Variants in TNFRSF10B observed in about 807,000 individuals in gnomAD.
TNFRSF10B encodes tumor necrosis factor receptor superfamily member 10B.
Under a neutral mutation model 41.4 loss-of-function variants are expected in TNFRSF10B, and 35 were observed. The ratio of observed to expected loss-of-function variants is 0.85; its 90% CI spans 0.65 to 1.12. The LOEUF is 1.12. TNFRSF10B is among the 50% of genes most tolerant of loss of function. TNFRSF10B has a pLI of 0.00. For synonymous variants in TNFRSF10B, 230 were observed against 215.5 expected, an observed-to-expected ratio of 1.07 and a Z score of -0.59; for missense variants, 584 against 552.7, an observed-to-expected ratio of 1.06 and a Z score of -0.57.
chr8:23,022,265 C>G lies in TNFRSF10B; in HGVS notation c.*406G>C, dbSNP rs532125576. 95 of 454,276 alleles carry G rather than the reference C, an allele frequency of 2.1e-4. No individual in the cohort carries two copies. Among genetic ancestry groups the G allele is most frequent in the Middle Eastern group, 2.1e-3 (3 of 1,444 alleles). The allele number at this position is 454,276 out of a possible 1,614,324, so 28.1% of individuals were successfully genotyped here. A position where few individuals can be genotyped will look rare whatever the true frequency, so the allele number is the denominator to read the frequency against. Reference sequence around the variant, plus strand: ...ACAGAGTGAACTGCCCCGCACCCCCCACCCAAAAAAGGTTCATATCATATA... The same window carrying G: ...ACAGAGTGAACTGCCCCGCACCCCCGACCCAAAAAAGGTTCATATCATATA... On this transcript the variant is annotated 3_prime_UTR_variant, in exon 9 of 9. Coordinates refer to ENST00000276431, the MANE Select transcript of TNFRSF10B (RefSeq NM_003842.5).
At position 23,028,337 on chromosome 8, in the gene TNFRSF10B, A is replaced by C; in HGVS notation, c.742T>G (p.Cys248Gly). 1 of 1,614,130 alleles carries C rather than the reference A, an allele frequency of 6.2e-7. No individual in the cohort carries two copies. The highest frequency in any genetic ancestry group is 8.5e-7 in the Non-Finnish European group (1 of 1,180,002). ...KKVLPYLKGI[C>G]SGGGGDPERV... The stretch of plus-strand genomic sequence containing the variant: ...GCCCTCAGCCAGCACCTACCTGAGC[A>C]GATGCCTTTCAGGTAAGGAAGGACT... Residue 248 changes from cysteine to glycine, a missense_variant, in exon 5 of 9, where the codon TGC becomes GGC. Physicochemically the swap from Cys to Gly is radical, Grantham distance 159 (BLOSUM62 -3). Coordinates refer to ENST00000276431, the MANE Select transcript of TNFRSF10B (RefSeq NM_003842.5).
chr8:23,062,478 A>G (rs1163613442), intron 1 of TNFRSF10B, among the ~76,000 whole-genome samples: 17 of 152,256 alleles, frequency 1.1e-4, no homozygotes, highest in Admixed American at 1.1e-3. Flanking sequence ...TTGGCCTCGC[A>G]AAGTGCTGGG....
Position 23,027,189 on chromosome 8 carries a change from G to A in TNFRSF10B, c.880C>T (p.Pro294Ser). ...ATGTTGACACCTGTTGGCTCTGCTG[G>A]CTCCTGGACTTCCATTTCCTGCTCA... is the stretch of plus-strand genomic sequence containing the variant. ...VPEQEMEVQE[P>S]AEPTGVNMLS... is the part of the protein sequence containing the mutation. The change falls in exon 7 of 9, where the codon CCA becomes TCA. Residue 294 changes from proline (P) to serine (S), a missense_variant. By Grantham distance (74) the Pro-to-Ser change is moderately conservative (BLOSUM62 -1). Coordinates refer to ENST00000276431, the MANE Select transcript of TNFRSF10B (RefSeq NM_003842.5). 1 of 1,614,196 alleles carries A rather than the reference G, an allele frequency of 6.2e-7. No individual in the cohort carries two copies. Among genetic ancestry groups the A allele is most frequent in the East Asian group, 2.2e-5 (1 of 44,878 alleles).
At chr8:23,059,664 G>A (rs979243255) in intron 1 of TNFRSF10B, among the ~76,000 whole-genome samples, 4 of 145,152 alleles carry the variant, frequency 2.8e-5, no homozygotes, top group South Asian at 4.6e-4. Context: ...CTGCCACCAC[G>A]CCGGGCTAAT....
chr8:23,045,705 C>A (rs1812338005), intron 1 of TNFRSF10B, among the ~76,000 whole-genome samples: 1 of 152,008 alleles, frequency 6.6e-6, no homozygotes, highest in Non-Finnish European at 1.5e-5. Context: ...ACCAGTAGAC[C>A]AAATTCAATA....
Position 23,030,857 on chromosome 8 carries a change from T to C in TNFRSF10B, c.266A>G (p.Glu89Gly). Residue 89 changes from glutamate (E) to glycine (G), a missense_variant, in exon 3 of 9, where the codon GAA becomes GGA. Glu to Gly is a moderately conservative substitution (Grantham distance 98). Coordinates refer to ENST00000276431, the MANE Select transcript of TNFRSF10B (RefSeq NM_003842.5). ...GLCPPGHHIS[E>G]DGRDCISCKY... ...GCAGGAGATGCAATCTCTACCGTCTTCTGAGATATGGTGTCCTGGGAGGGG... is the reference window on the plus strand; with the variant it reads ...GCAGGAGATGCAATCTCTACCGTCTCCTGAGATATGGTGTCCTGGGAGGGG... 6.2e-7 allele frequency: 1 copy of C among 1,611,048 alleles called. No individual in the cohort carries two copies.
At chr8:23,059,859 C>T (rs145606217) in intron 1 of TNFRSF10B, among the ~76,000 whole-genome samples, 17 of 152,282 alleles carry the variant, frequency 1.1e-4, no homozygotes, top group South Asian at 2.1e-4. Flanking sequence ...AGGATGGTAT[C>T]TCTGTCGTTT....
chr8:23,041,080 A>C (rs534152361), intron 2 of TNFRSF10B, among the ~76,000 whole-genome samples: 10 of 149,370 alleles, frequency 6.7e-5, no homozygotes, highest in African/African-American at 2.5e-4. Flanking sequence ...TTTTTTTGAG[A>C]CAGGGTCTCA....
Position 23,050,800 on chromosome 8 carries a change from G to A in TNFRSF10B, c.145-7557C>T, listed in dbSNP as rs575022508. On this transcript the variant is annotated intron_variant, in intron 1 of 8. Transcript: ENST00000276431. ...CTCAAACATCCAGTTAAGGCCGGGCGTGGTGTCTCATGCCTGTAATCCCAG... is the reference window on the plus strand; with the variant it reads ...CTCAAACATCCAGTTAAGGCCGGGCATGGTGTCTCATGCCTGTAATCCCAG... 3.9e-5 allele frequency among the ~76,000 whole-genome samples: 6 copies of A among 152,216 alleles called. No individual in the cohort carries two copies. In the East Asian group the frequency reaches 5.8e-4, roughly 15 times the overall value.
At chr8:23,061,999 G>A (rs1812843378) in intron 1 of TNFRSF10B, among the ~76,000 whole-genome samples, 1 of 152,086 alleles carries the variant, frequency 6.6e-6, no homozygotes, top group South Asian at 2.1e-4. Flanking sequence ...TTATTTTCTT[G>A]TAATATCTTT....
At chr8:23,039,528 CT>C (rs1812111454) in intron 2 of TNFRSF10B, among the ~76,000 whole-genome samples, 6 of 152,128 alleles carry the variant, frequency 3.9e-5, no homozygotes, top group Admixed American at 3.3e-4. Flanking sequence ...AGGGGGTAAT[CT>C]GCTTGACTCA....
chr8:23,059,546 G>A (rs536761662), intron 1 of TNFRSF10B, among the ~76,000 whole-genome samples: 25 of 152,128 alleles, frequency 1.6e-4, no homozygotes, highest in South Asian at 1.2e-3. Flanking sequence ...TCGTTCTGTC[G>A]CCCAGGCTGG....
intron 2 of TNFRSF10B, among the ~76,000 whole-genome samples, chr8:23,031,888 T>C (rs1811894645): frequency 6.6e-6 from 1 of 151,372 alleles, no homozygotes; most frequent in South Asian, 2.1e-4. Flanking sequence ...TTTTAACTCA[T>C]GGCACATCTC....
chr8:23,030,017 T>A (rs1362690287), intron 3 of TNFRSF10B, among the ~76,000 whole-genome samples: 1 of 152,120 alleles, frequency 6.6e-6, no homozygotes, highest in East Asian at 1.9e-4. Context: ...GCAAGGGAAG[T>A]GCAAGGGATC....
Position 23,020,446 on chromosome 8 carries a change from A to G in TNFRSF10B, c.*2225T>C, listed in dbSNP as rs761786955. The G allele has an allele frequency of 7.7e-5, 35 of 454,012 alleles. No individual in the cohort carries two copies. The highest frequency in any genetic ancestry group is 1.3e-4 in the Non-Finnish European group (29 of 226,804). 28.1% of individuals were successfully genotyped at this position (454,012 alleles called of 1,614,324 possible). A position where few individuals can be genotyped will look rare whatever the true frequency, so the allele number is the denominator to read the frequency against. On this transcript the variant is annotated 3_prime_UTR_variant, in exon 9 of 9. Coordinates refer to ENST00000276431, the MANE Select transcript of TNFRSF10B (RefSeq NM_003842.5). ...GCTGGTGGCTCACGCCTGTAATCCCAGCACTTTCGGAGGCCAAGGTGGATC... is the reference window on the plus strand; with the variant it reads ...GCTGGTGGCTCACGCCTGTAATCCCGGCACTTTCGGAGGCCAAGGTGGATC...
chr8:23,046,965 TA>T (rs1812382918), intron 1 of TNFRSF10B, among the ~76,000 whole-genome samples: 1 of 152,184 alleles, frequency 6.6e-6, no homozygotes, highest in Non-Finnish European at 1.5e-5. Context: ...CAAAATGGAT[TA>T]AAGACTTAAA....
At chr8:23,055,378 T>C (rs1812634398) in intron 1 of TNFRSF10B, among the ~76,000 whole-genome samples, 1 of 151,990 alleles carries the variant, frequency 6.6e-6, no homozygotes, top group Non-Finnish European at 1.5e-5. Flanking sequence ...CCTACGATTC[T>C]CATGATAAAT....
intron 7 of TNFRSF10B, among the ~76,000 whole-genome samples, chr8:23,025,560 A>G (rs543611269): frequency 1.2e-4 from 19 of 152,376 alleles, no homozygotes; most frequent in African/African-American, 4.6e-4. Flanking sequence ...GGTGTTGTAC[A>G]TGATATAATC....
At chr8:23,060,767 G>A (rs1563324685) in intron 1 of TNFRSF10B, among the ~76,000 whole-genome samples, 2 of 152,028 alleles carry the variant, frequency 1.3e-5, no homozygotes, top group Non-Finnish European at 2.9e-5. Context: ...CATAATCATG[G>A]CATATCTTTC....
Sources: gnomAD v4.1 joint callset for allele counts (sites outside exome capture counted in the v4.1 genomes callset) on GRCh38, gnomAD v4.1.1 for gene constraint, MANE v1.5 for transcripts, NCBI Gene and HGNC (gene_info 2026-07-23, HGNC 2026-07-21) for gene names.